SPEF2: variants seen among roughly 807,000 people sequenced by gnomAD.
The protein encoded by SPEF2 is sperm flagellar and cilia associated 2.
A neutral mutation model predicts 224.6 loss-of-function variants in SPEF2; 187 were observed. That is an observed-to-expected ratio of 0.83 (90% CI 0.74 to 0.94). The LOEUF is 0.94. SPEF2 is among the 40% of genes least tolerant of loss of function. The pLI, the probability that SPEF2 is intolerant of heterozygous loss-of-function variation, is 0.00. For missense variants in SPEF2, 2,170 were observed against 2,135.6 expected (o/e 1.02, Z -0.32); for synonymous variants, 715 against 707.3 (o/e 1.01, Z -0.17).
intron 20 of SPEF2, among the ~76,000 whole-genome samples, chr5:35,722,758 A>T (rs112192889): frequency 0.027 from 3,970 of 148,058 alleles, 72 homozygotes; most frequent in Middle Eastern, 0.045. Context: ...TTCTTGCGAT[A>T]GTTTACTGAG....
At position 35,792,347 on chromosome 5, in the gene SPEF2, A is replaced by G; in HGVS notation, c.4455A>G (p.Ile1485Met). The G allele has an allele frequency of 6.2e-7, 1 of 1,613,330 alleles. No homozygotes were observed. The highest frequency in any genetic ancestry group is 8.5e-7 in the Non-Finnish European group (1 of 1,179,518). ...TTTTTCATTGTATTATAGGCATAAT[A>G]GGAAATAAAGCATTTACTGACATTC... ...QFLDMAPKGI[I>M]GNKAFTDILI... Residue 1485 changes from isoleucine (I) to methionine (M), a missense_variant, in exon 31 of 37, where the codon ATA becomes ATG. Ile to Met is a conservative substitution (Grantham distance 10). Transcript: ENST00000356031.
intron 10 of SPEF2, among the ~76,000 whole-genome samples, chr5:35,689,314 C>T (rs915082412): frequency 1.3e-5 from 2 of 151,908 alleles, no homozygotes; most frequent in African/African-American, 2.4e-5. Context: ...TTTTTCTTCC[C>T]GCTTCCTGCT....
chr5:35,797,262 G>A (rs1161550294), intron 33 of SPEF2, among the ~76,000 whole-genome samples: 1 of 151,682 alleles, frequency 6.6e-6, no homozygotes, highest in Non-Finnish European at 1.5e-5. Context: ...AGCAGCAGAG[G>A]CAGGACTGTG....
chr5:35,763,770 C>A, intron 26 of SPEF2, 68 bp downstream of exon 26: 1 of 1,380,278 alleles, frequency 7.2e-7, no homozygotes, highest in Non-Finnish European at 9.6e-7. Context: ...TGGTAATATG[C>A]TATAAGTGGA....
chr5:35,715,549 G>A (rs1306183860), intron 20 of SPEF2, among the ~76,000 whole-genome samples: 1 of 151,992 alleles, frequency 6.6e-6, no homozygotes, highest in Non-Finnish European at 1.5e-5. Context: ...TCAAGGGACA[G>A]GAAAATGTCT....
chr5:35,763,933 C>A (rs1751715791), intron 26 of SPEF2, among the ~76,000 whole-genome samples: 1 of 152,116 alleles, frequency 6.6e-6, no homozygotes, highest in African/African-American at 2.4e-5. Flanking sequence ...GGCTCTGGTT[C>A]CACATGCAGG....
intron 10 of SPEF2, among the ~76,000 whole-genome samples, chr5:35,677,452 G>A (rs1173581342): frequency 6.6e-6 from 1 of 152,168 alleles, no homozygotes; most frequent in Non-Finnish European, 1.5e-5. Context: ...GAAGTCCAGG[G>A]TGATTCAGTC....
intron 2 of SPEF2, among the ~76,000 whole-genome samples, chr5:35,631,040 A>T (rs958410288): frequency 6.6e-6 from 1 of 152,218 alleles, no homozygotes; most frequent in South Asian, 2.1e-4. Flanking sequence ...CACACTGCTG[A>T]TAAAGACATA....
At chr5:35,709,387 G>A in intron 19 of SPEF2, 2 of 1,214,912 alleles carry the variant, frequency 1.6e-6, no homozygotes, top group Non-Finnish European at 2.0e-6. Flanking sequence ...GACGAGAAGA[G>A]GAAAAGGCAC....
chr5:35,631,313 A>G (rs1745090384), intron 2 of SPEF2, among the ~76,000 whole-genome samples: 1 of 152,196 alleles, frequency 6.6e-6, no homozygotes, highest in African/African-American at 2.4e-5. Flanking sequence ...TCCTCCCACA[A>G]CATGTGGGAA....
At position 35,715,816 on chromosome 5, in the gene SPEF2, C is replaced by CTTTTT. The variant is rs1554040257; in HGVS notation, c.2914+2943_2914+2947dup. Among the ~76,000 whole-genome samples the CTTTTT allele has an allele frequency of 1.0e-4, 12 of 117,924 alleles. 1 individual carries two copies. In the South Asian group the frequency reaches 1.0e-3, roughly 10 times the overall value. 77.4% of individuals were successfully genotyped at this position (117,924 alleles called of 152,430 possible). A position where few individuals can be genotyped will look rare whatever the true frequency, so the allele number is the denominator to read the frequency against. On this transcript the variant is annotated intron_variant, in intron 20 of 36. Coordinates refer to ENST00000356031, the MANE Select transcript of SPEF2 (RefSeq NM_024867.4). ...TCTGTGAAATAGGGGGATATAATTT[C>CTTTTT]TTTTTTTTTTTTTTTTTGAGACAGA...
At chr5:35,793,092 A>T (rs1232502347) in intron 31 of SPEF2, 67 bp from the exon 32 acceptor site, 4 of 1,413,382 alleles carry the variant, frequency 2.8e-6, no homozygotes, top group East Asian at 2.3e-5. Flanking sequence ...CTATGAAAAT[A>T]TGAGCAAGTA....
At chr5:35,655,389 A>G (rs1044514190) in intron 7 of SPEF2, among the ~76,000 whole-genome samples, 7 of 152,354 alleles carry the variant, frequency 4.6e-5, no homozygotes, top group African/African-American at 1.4e-4. Flanking sequence ...TGATAGGCCC[A>G]GAGATATGAC....
chr5:35,795,927 C>A, intron 33 of SPEF2, 132 bp downstream of exon 33: 1 of 784,366 alleles, frequency 1.3e-6, no homozygotes, highest in Non-Finnish European at 2.1e-6. Flanking sequence ...CTCCAAAGTG[C>A]AGACCTTAAG....
intron 26 of SPEF2, among the ~76,000 whole-genome samples, chr5:35,770,243 AT>A (rs1355613395): frequency 7.9e-5 from 12 of 152,088 alleles, no homozygotes; most frequent in Non-Finnish European, 1.5e-4. Flanking sequence ...ACAAATAATA[AT>A]TGCATATATT....
intron 10 of SPEF2, among the ~76,000 whole-genome samples, chr5:35,688,061 G>T (rs1422956183): frequency 2.0e-5 from 3 of 152,172 alleles, no homozygotes; most frequent in African/African-American, 7.2e-5. Context: ...AGCTCAAGAA[G>T]TAGGCTCAAG....
At chr5:35,728,197 G>T (rs1413701507) in intron 21 of SPEF2, among the ~76,000 whole-genome samples, 1 of 152,136 alleles carries the variant, frequency 6.6e-6, no homozygotes, top group Non-Finnish European at 1.5e-5. Context: ...GCTTTTAAGT[G>T]AAGTTTAACC....
chr5:35,702,872 A>G (rs936606436), intron 16 of SPEF2, among the ~76,000 whole-genome samples: 2 of 152,104 alleles, frequency 1.3e-5, no homozygotes, highest in African/African-American at 4.8e-5. Flanking sequence ...AATTTTACCT[A>G]TAAGTACTAC....
At chr5:35,657,873 C>T (rs768742544) in intron 7 of SPEF2, among the ~76,000 whole-genome samples, 1 of 152,184 alleles carries the variant, frequency 6.6e-6, no homozygotes, top group African/African-American at 2.4e-5. Flanking sequence ...GGCATTTGAA[C>T]GCCAGGCCCT....
Sources: allele counts gnomAD v4.1 joint callset (sites outside exome capture counted in the v4.1 genomes callset), GRCh38; gene constraint gnomAD v4.1.1; transcripts MANE v1.5; gene names NCBI Gene and HGNC (gene_info 2026-07-23, HGNC 2026-07-21).